Variants in NALF1 observed in about 807,000 individuals in gnomAD.
NALF1 encodes NALCN channel auxiliary factor 1, also known as family with sequence similarity 155 member A.
A neutral mutation model predicts 48.4 loss-of-function variants in NALF1; 3 were observed. That is an observed-to-expected ratio of 0.06 (90% confidence interval 0.03 to 0.16). NALF1 has a LOEUF of 0.16. NALF1 is among the 10% of genes least tolerant of loss of function. NALF1 has a pLI of 1.00. For missense variants in NALF1, 526 were observed against 571.5 expected (o/e 0.92, Z 0.81); for synonymous variants, 262 against 245.7 (o/e 1.07, Z -0.62).
At chr13:107,764,823 T>C (rs1877377465) in intron 1 of NALF1, among the ~76,000 whole-genome samples, 1 of 152,220 alleles carries the variant, frequency 6.6e-6, no homozygotes, top group African/African-American at 2.4e-5. Context: ...AGATACTCCT[T>C]GTGCTTAAGT....
At chr13:107,288,619 C>A (rs2138880275) in intron 1 of NALF1, among the ~76,000 whole-genome samples, 1 of 151,318 alleles carries the variant, frequency 6.6e-6, no homozygotes, top group African/African-American at 2.4e-5. Flanking sequence ...GCAACCTCCG[C>A]CTCCTCAGTT....
At chr13:107,833,144 G>A (rs1269775399) in intron 1 of NALF1, among the ~76,000 whole-genome samples, 1 of 150,360 alleles carries the variant, frequency 6.7e-6, no homozygotes, top group Non-Finnish European at 1.5e-5. Flanking sequence ...GATGGTCCCT[G>A]CGCCTCCTTT....
intron 1 of NALF1, among the ~76,000 whole-genome samples, chr13:107,541,715 G>T (rs181136045): frequency 6.6e-6 from 1 of 152,034 alleles, no homozygotes; most frequent in Non-Finnish European, 1.5e-5. Context: ...TATAAACATG[G>T]AACAACAGAT....
chr13:107,664,754 C>T (rs961992273), intron 1 of NALF1, among the ~76,000 whole-genome samples: 7 of 152,052 alleles, frequency 4.6e-5, no homozygotes, highest in African/African-American at 1.7e-4. Flanking sequence ...ACATTGTATT[C>T]TTTTAATCCA....
intron 1 of NALF1, among the ~76,000 whole-genome samples, chr13:107,771,786 G>C (rs1199660037): frequency 6.6e-6 from 1 of 152,078 alleles, no homozygotes; most frequent in Non-Finnish European, 1.5e-5. Flanking sequence ...CGCCAGGCTG[G>C]AGTGCAGTGG....
intron 1 of NALF1, among the ~76,000 whole-genome samples, chr13:107,735,528 A>G (rs1022633144): frequency 1.3e-5 from 2 of 152,138 alleles, no homozygotes; most frequent in Non-Finnish European, 2.9e-5. Context: ...GCGCACACAT[A>G]TGTTTAATTT....
In NALF1 at chr13:107,163,881, GAAAAC is replaced by G. The variant is rs1878607471; in HGVS notation, c.*6611_*6615del. 1 of 152,000 alleles carries G rather than the reference GAAAAC, an allele frequency of 6.6e-6. No individual in the cohort carries two copies. Among genetic ancestry groups the G allele is most frequent in the African/African-American group, 2.4e-5 (1 of 41,406 alleles). 9.4% of individuals were successfully genotyped at this position (152,000 alleles called of 1,614,324 possible). A position where few individuals can be genotyped will look rare whatever the true frequency, so the allele number is the denominator to read the frequency against. ...CCATATGCAGAAAAAGGTAGAAAAA[GAAAAC>G]AAGAGAAAAAGGAAGAAAAAGAAAG... is the stretch of plus-strand genomic sequence containing the variant. On this transcript the variant is annotated 3_prime_UTR_variant, in exon 3 of 3. Transcript: ENST00000375915.
At chr13:107,854,182 C>CTT (rs967169450) in intron 1 of NALF1, among the ~76,000 whole-genome samples, 4 of 152,186 alleles carry the variant, frequency 2.6e-5, no homozygotes, top group African/African-American at 9.6e-5. Context: ...AAGGATTCAT[C>CTT]TTTTCATAAG....
chr13:107,582,524 T>C (rs768966643), intron 1 of NALF1, among the ~76,000 whole-genome samples: 60 of 152,122 alleles, frequency 3.9e-4, no homozygotes, highest in Non-Finnish European at 6.8e-4. Flanking sequence ...ATGTCAAAAA[T>C]CAAGCACGGT....
intron 1 of NALF1, among the ~76,000 whole-genome samples, chr13:107,281,886 C>T (rs943622453): frequency 1.3e-5 from 2 of 152,120 alleles, no homozygotes. Flanking sequence ...AGAATTCACT[C>T]AATATCACGG....
intron 1 of NALF1, among the ~76,000 whole-genome samples, chr13:107,333,798 G>C (rs753443258): frequency 8.5e-5 from 13 of 152,202 alleles, no homozygotes; most frequent in Non-Finnish European, 1.3e-4. Flanking sequence ...CCTTTTACCT[G>C]AGGGGATAGA....
intron 1 of NALF1, among the ~76,000 whole-genome samples, chr13:107,510,658 T>C (rs1875857649): frequency 1.3e-5 from 2 of 152,214 alleles, no homozygotes; most frequent in African/African-American, 4.8e-5. Flanking sequence ...TCTGCCACCG[T>C]AGAGTTTGCC....
intron 1 of NALF1, chr13:107,466,239 G>A (rs549412963): frequency 3.9e-5 from 6 of 152,302 alleles, no homozygotes; most frequent in African/African-American, 1.4e-4. Context: ...GAAATTGTGG[G>A]AGTTACAATT....
chr13:107,640,193 A>T lies in NALF1; in HGVS notation c.915+225489T>A, dbSNP rs535966715. Among the ~76,000 whole-genome samples the T allele has an allele frequency of 1.3e-3, 201 of 152,318 alleles. 2 individuals carry two copies. Among genetic ancestry groups the T allele is most frequent in the Non-Finnish European group, 2.5e-3 (169 of 68,022 alleles). ...AAAAAAGAAGAAAACAACTTTACAC[A>T]GTGTTAAAGGTTATAAACAAATTCT... On this transcript the variant is annotated intron_variant, in intron 1 of 2. Coordinates refer to ENST00000375915, the MANE Select transcript of NALF1 (RefSeq NM_001080396.3).
rs773087664 is a variant in NALF1, at chr13:107,866,211, G to A, written c.386C>T (p.Pro129Leu). 10 of 1,599,256 alleles carry A rather than the reference G, an allele frequency of 6.3e-6. No individual in the cohort carries two copies. The South Asian group carries it at 1.1e-4, about 18-fold the overall frequency. The change falls in exon 1 of 3, where the codon CCC (proline) becomes CTC (leucine). Residue 129 changes from proline to leucine, a missense_variant. Coordinates refer to ENST00000375915, the MANE Select transcript of NALF1 (RefSeq NM_001080396.3). The surrounding 1 kb of genome is among the most constrained non-coding windows in gnomAD (Gnocchi z 4.4). ...GTCTCCCGGGGAGGGGGGCAGGGTG[G>A]GGGACGAGGAGGCGGAGAGGAGTCT... The part of the protein sequence containing the change: ...AHRLLSASSS[P>L]TLPPSPGDGG...
intron 1 of NALF1, among the ~76,000 whole-genome samples, chr13:107,784,041 C>A (rs1050858736): frequency 6.6e-6 from 1 of 152,104 alleles, no homozygotes; most frequent in African/African-American, 2.4e-5. Flanking sequence ...TGAGAGAAGA[C>A]GTCTCCTTCC....
At chr13:107,577,884 C>G (rs975739722) in intron 1 of NALF1, among the ~76,000 whole-genome samples, 3 of 152,118 alleles carry the variant, frequency 2.0e-5, no homozygotes, top group Admixed American at 2.0e-4. Flanking sequence ...TCCTTGCCCA[C>G]CTTCTTAGGC....
At chr13:107,173,931 C>T (rs909017622) in intron 2 of NALF1, among the ~76,000 whole-genome samples, 3 of 152,312 alleles carry the variant, frequency 2.0e-5, no homozygotes, top group African/African-American at 7.2e-5. Context: ...CATCCCTTAA[C>T]TCTGCTTTCA....
At chr13:107,455,827 C>T (rs1299598502) in intron 1 of NALF1, among the ~76,000 whole-genome samples, 1 of 151,726 alleles carries the variant, frequency 6.6e-6, no homozygotes, top group Admixed American at 6.6e-5. Flanking sequence ...AATATGCATT[C>T]AATCTTCCCC....
Sources: allele counts gnomAD v4.1 joint callset (sites outside exome capture counted in the v4.1 genomes callset), GRCh38; gene constraint gnomAD v4.1.1; non-coding constraint Gnocchi (gnomAD v3.1); transcripts MANE v1.5; gene names NCBI Gene and HGNC (gene_info 2026-07-23, HGNC 2026-07-21).